The following MYOM3 variants were observed in gnomAD, a reference collection of about 807,000 sequenced individuals.
MYOM3 encodes myomesin-3.
MYOM3 carries 155 observed loss-of-function variants against 191.7 expected under a neutral mutation model. The observed-to-expected ratio is 0.81, with a 90% confidence interval of 0.71 to 0.92. The LOEUF is 0.92. Ranked by LOEUF, MYOM3 falls within the 40% of genes least tolerant of loss-of-function variation. The pLI, the probability that MYOM3 is intolerant of heterozygous loss-of-function variation, is 0.00. For missense variants in MYOM3, 1,889 were observed against 1,890.6 expected (o/e 1.00, Z 0.02); for synonymous variants, 757 against 762.9 (o/e 0.99, Z 0.13).
chr1:24,108,604 C>T lies in MYOM3; in HGVS notation c.33G>A (p.Gly11=). ...CCATGGCCTGGGGGGGCCGGGGGTC[C>T]CCCGCACCTCCCAAGCTGTGCGGCA... MTLPHSLGGA[G]DPRPPQAMEV... The change falls in exon 2 of 37, where the codon GGG becomes GGA. Residue 11 remains glycine, a synonymous_variant. Transcript: ENST00000374434. The T allele has an allele frequency of 1.9e-6, 3 of 1,567,092 alleles. No individual in the cohort carries two copies. Among genetic ancestry groups the T allele is most frequent in the Non-Finnish European group, 2.6e-6 (3 of 1,157,566 alleles).
At chr1:24,108,433 TGG>T in intron 2 of MYOM3, 41 bp downstream of exon 2, 2 of 1,479,334 alleles carry the variant, frequency 1.4e-6, no homozygotes, top group South Asian at 2.7e-5. Context: ...CTGGGGGCCC[TGG>T]GAACAGGGCA....
In MYOM3 at chr1:24,068,267, T is replaced by A. The variant is rs1168241100; in HGVS notation, c.3251A>T (p.Asp1084Val). The change falls in exon 26 of 37, where the codon GAT becomes GTT. Residue 1084 changes from aspartate to valine, a missense_variant. Asp to Val is a radical substitution (Grantham distance 152). Transcript: ENST00000374434. ...GGTAATCTGGTTTTTGGCTTTTCCA[T>A]CTTGGAGTTGAGCGGTGTACGACCC... ...DKGSYTAQLQ[D>V]GKAKNQITLT... The A allele has an allele frequency of 4.3e-6, 7 of 1,614,202 alleles. No individual in the cohort carries two copies. The highest frequency in any genetic ancestry group is 1.1e-5 in the South Asian group (1 of 91,086).
chr1:24,090,980 C>T lies in MYOM3; in HGVS notation c.1249G>A (p.Gly417Arg), dbSNP rs527719064. Residue 417 changes from glycine (G) to arginine (R), a missense_variant, in exon 12 of 37, where the codon GGG becomes AGG. Transcript: ENST00000374434. ...GCCTCATGGCAGGCGATCCATTCCC[C>T]AGACTCGCCCTGGCACCTGTTGGAG... The part of the protein sequence containing the change: ...YTIERCQGES[G>R]EWIACHEAPG... The T allele has an allele frequency of 3.2e-5, 51 of 1,614,026 alleles. 1 individual carries two copies. The highest frequency in any genetic ancestry group is 4.0e-5 in the Non-Finnish European group (47 of 1,179,986).
At chr1:24,060,657 C>T (rs1031755069) in intron 35 of MYOM3, among the ~76,000 whole-genome samples, 1 of 152,112 alleles carries the variant, frequency 6.6e-6, no homozygotes, top group African/African-American at 2.4e-5. Flanking sequence ...GCCCGGAGGC[C>T]GTGCCATGTG....
intron 5 of MYOM3, among the ~76,000 whole-genome samples, chr1:24,104,562 G>A (rs1455249113): frequency 1.3e-5 from 2 of 151,978 alleles, no homozygotes; most frequent in Non-Finnish European, 2.9e-5. Context: ...TGCAACCTCC[G>A]CCTCCCGGGT....
At chr1:24,060,371 G>A (rs1371833784) in intron 35 of MYOM3, among the ~76,000 whole-genome samples, 1 of 152,314 alleles carries the variant, frequency 6.6e-6, no homozygotes, top group East Asian at 1.9e-4. Context: ...ATGATGCCAC[G>A]CAGAGCGAAT....
chr1:24,095,610 T>C, intron 7 of MYOM3, 124 bp from the exon 8 acceptor site: 1 of 747,270 alleles, frequency 1.3e-6, no homozygotes, highest in Non-Finnish European at 2.2e-6. Flanking sequence ...CCCTTGTGGC[T>C]TTGGGAAAGT....
rs574365386 is a variant in MYOM3 at position 24,057,170 on chromosome 1, C to G, written c.*194G>C. 1 of 621,162 alleles carries G rather than the reference C, an allele frequency of 1.6e-6. No homozygotes were observed. Among genetic ancestry groups the G allele is most frequent in the African/African-American group, 1.8e-5 (1 of 54,374 alleles). The allele number at this position is 621,162 out of a possible 1,614,324, so 38.5% of individuals were successfully genotyped here. On this transcript the variant is annotated 3_prime_UTR_variant, in exon 37 of 37. Transcript: ENST00000374434. ...GTTCATCCCGCTCTCCTGGAAGCCA[C>G]TCAGGACCCCAGAAAGATCTTTGCT... is the stretch of plus-strand genomic sequence containing the variant.
intron 26 of MYOM3, 94 bp downstream of exon 26, chr1:24,068,129 G>T (rs1272139775): frequency 2.6e-6 from 4 of 1,554,462 alleles, no homozygotes; most frequent in Middle Eastern, 3.5e-4. Context: ...TGCTCAGCAG[G>T]CTGCAGAGCC....
intron 29 of MYOM3, 79 bp from the exon 30 acceptor site, chr1:24,064,238 CT>C: frequency 2.2e-5 from 25 of 1,117,904 alleles, no homozygotes; most frequent in Non-Finnish European, 2.9e-5. Context: ...GAGGCCTGGG[CT>C]CCAGGCCTGC....
At chr1:24,097,432 C>T (rs142908907) in intron 7 of MYOM3, among the ~76,000 whole-genome samples, 1 of 152,296 alleles carries the variant, frequency 6.6e-6, no homozygotes, top group African/African-American at 2.4e-5. Context: ...AGCCATGTGC[C>T]CTGGAGTGGG....
At chr1:24,074,484 C>T (rs1643572833) in intron 22 of MYOM3, among the ~76,000 whole-genome samples, 1 of 152,200 alleles carries the variant, frequency 6.6e-6, no homozygotes, top group African/African-American at 2.4e-5. Context: ...GGCTCTCTGG[C>T]ACTGGGTCTG....
chr1:24,078,017 A>G (rs1643622381), intron 20 of MYOM3, among the ~76,000 whole-genome samples: 1 of 152,228 alleles, frequency 6.6e-6, no homozygotes, highest in Non-Finnish European at 1.5e-5. Context: ...GTTGGGAAAC[A>G]TTTTAAGTGA....
At chr1:24,081,496 A>G (rs745351842) in intron 18 of MYOM3, 40 bp from the exon 19 acceptor site, 83 of 1,603,982 alleles carry the variant, frequency 5.2e-5, no homozygotes, top group Non-Finnish European at 7.1e-5. Flanking sequence ...CTGAGGCTGG[A>G]GGAGGGATGG....
chr1:24,085,163 T>G (rs1404814476), intron 15 of MYOM3, among the ~76,000 whole-genome samples: 2 of 151,492 alleles, frequency 1.3e-5, no homozygotes, highest in East Asian at 3.9e-4. Flanking sequence ...CATGGACAGG[T>G]GGATACATGG....
intron 24 of MYOM3, 61 bp downstream of exon 24, chr1:24,071,908 G>C: frequency 6.4e-7 from 1 of 1,553,764 alleles, no homozygotes; most frequent in South Asian, 1.1e-5. Context: ...GCTCTGCTCA[G>C]AACATGCCAA....
intron 5 of MYOM3, among the ~76,000 whole-genome samples, chr1:24,100,425 ACCAAGCCATCC>A (rs1370589015): frequency 6.6e-6 from 1 of 152,030 alleles, no homozygotes; most frequent in Non-Finnish European, 1.5e-5. Flanking sequence ...CCCTCCCCCT[ACCAAGCCATCC>A]CCAGGGGCAC....
chr1:24,109,132 G>A (rs1391023793), intron 1 of MYOM3, among the ~76,000 whole-genome samples: 2 of 152,172 alleles, frequency 1.3e-5, no homozygotes, highest in African/African-American at 4.8e-5. Context: ...TGCCCACGCT[G>A]GTTTCCTCTC....
At position 24,090,944 on chromosome 1, in the gene MYOM3, T is replaced by C. The variant is rs768519044; in HGVS notation, c.1285A>G (p.Thr429Ala). ...AGGCCTTGGATTGGGCACCGACAAG[T>C]CCCTCCGGGGGCCTCATGGCAGGCG... ...WIACHEAPGGTCRCPIQGLVE... is the reference protein window; with the variant it reads ...WIACHEAPGGACRCPIQGLVE... The change falls in exon 12 of 37, where the codon ACT (threonine) becomes GCT (alanine). Residue 429 changes from threonine to alanine, a missense_variant. Thr to Ala is a moderately conservative substitution (Grantham distance 58, BLOSUM62 0). Transcript: ENST00000374434. 1.8e-5 allele frequency: 29 copies of C among 1,614,010 alleles called. No homozygotes were observed. The East Asian group carries it at 6.5e-4, about 36-fold the overall frequency.
Sources: allele counts gnomAD v4.1 joint callset (sites outside exome capture counted in the v4.1 genomes callset), GRCh38; gene constraint gnomAD v4.1.1; transcripts MANE v1.5; gene names NCBI Gene and HGNC (gene_info 2026-07-23, HGNC 2026-07-21).